Variants in AGBL1 observed in about 807,000 individuals in gnomAD.
AGBL1 encodes cytosolic carboxypeptidase 4.
A neutral mutation model predicts 118.9 loss-of-function variants in AGBL1; 130 were observed. That is an observed-to-expected ratio of 1.09 (90% CI 0.95 to 1.26). AGBL1 has a LOEUF of 1.26. AGBL1 is among the 50% of genes most tolerant of loss of function. The pLI is 0.00. For synonymous variants in AGBL1, 555 were observed against 478.9 expected, an observed-to-expected ratio of 1.16 and a Z score of -2.08; for missense variants, 1,584 against 1,298.1, an observed-to-expected ratio of 1.22 and a Z score of -3.38.
chr15:86,408,583 A>G (rs1433134488), intron 18 of AGBL1, among the ~76,000 whole-genome samples: 1 of 152,166 alleles, frequency 6.6e-6, no homozygotes, highest in Non-Finnish European at 1.5e-5. Flanking sequence ...GCTATTTTGT[A>G]CTGTTTGAAA....
Position 86,438,657 on chromosome 15 carries a change from C to CTTT in AGBL1, c.2555+41128_2555+41130dup, listed in dbSNP as rs35937855. Among the ~76,000 whole-genome samples, 280 of 131,598 alleles carry CTTT rather than the reference C, an allele frequency of 2.1e-3. 4 individuals carry two copies. Among genetic ancestry groups the CTTT allele is most frequent in the African/African-American group, 7.0e-3 (246 of 35,118 alleles). The allele number at this position is 131,598 out of a possible 152,430, so 86.3% of individuals were successfully genotyped here. ...TTCGTATATAACTGATAATCTGTCT[C>CTTT]TTTTTTTTTTTTTTTTTTTCTTGAG... is the stretch of plus-strand genomic sequence containing the variant. On this transcript the variant is annotated intron_variant, in intron 18 of 22. Transcript: ENST00000614907.
chr15:86,476,420 G>A (rs965863998), intron 18 of AGBL1, among the ~76,000 whole-genome samples: 2 of 152,036 alleles, frequency 1.3e-5, no homozygotes, highest in African/African-American at 4.8e-5. Flanking sequence ...AAAAAGGCAG[G>A]GGTTGCAATC....
chr15:86,182,711 G>A (rs1028006999), intron 5 of AGBL1, among the ~76,000 whole-genome samples: 1 of 152,058 alleles, frequency 6.6e-6, no homozygotes, highest in African/African-American at 2.4e-5. Context: ...TGTTCTCTCA[G>A]TATTAGTTTT....
chr15:86,723,326 T>TA (rs2086762569), intron 22 of AGBL1, among the ~76,000 whole-genome samples: 1 of 152,122 alleles, frequency 6.6e-6, no homozygotes, highest in African/African-American at 2.4e-5. Flanking sequence ...TATGCAGCCA[T>TA]AAAAAATGAT....
chr15:86,446,389 C>T (rs1475918083), intron 18 of AGBL1, among the ~76,000 whole-genome samples: 1 of 152,218 alleles, frequency 6.6e-6, no homozygotes, highest in East Asian at 1.9e-4. Context: ...CTCAAGGGAG[C>T]ATTCTGCAAC....
chr15:86,452,032 C>A (rs530925930), intron 18 of AGBL1, among the ~76,000 whole-genome samples: 2 of 152,178 alleles, frequency 1.3e-5, no homozygotes, highest in East Asian at 3.9e-4. Context: ...ATCCTAAAGA[C>A]AGCCTCAATG....
chr15:86,154,458 A>G lies in AGBL1; in HGVS notation c.291A>G (p.Glu97=), dbSNP rs892499228. 6.2e-7 allele frequency: 1 copy of G among 1,612,914 alleles called. No individual in the cohort carries two copies. The highest frequency in any genetic ancestry group is 8.5e-7 in the Non-Finnish European group (1 of 1,179,446). The part of the protein sequence containing the change: ...RDKKIGRKAL[E]LEALDVTLIL... ...AAAAGATTGGACGGAAGGCCCTAGA[A>G]TTGGAAGCACTTGATGTGACATTGA... is the stretch of plus-strand genomic sequence containing the variant. The change falls in exon 4 of 23, where the codon GAA becomes GAG. Residue 97 remains glutamate, a synonymous_variant. Transcript: ENST00000614907.
intron 1 of AGBL1, chr15:86,088,405 C>A (rs1895806491): frequency 3.3e-5 from 5 of 152,258 alleles, no homozygotes; most frequent in Admixed American, 2.6e-4. Context: ...CTGAACTATG[C>A]AGTTCAGAGT....
chr15:86,152,765 A>G (rs2077131224), intron 3 of AGBL1, among the ~76,000 whole-genome samples: 1 of 152,234 alleles, frequency 6.6e-6, no homozygotes, highest in Non-Finnish European at 1.5e-5. Context: ...CAATCTACCT[A>G]TCTGACAAAG....
intron 5 of AGBL1, among the ~76,000 whole-genome samples, chr15:86,180,683 A>G (rs2077540022): frequency 6.6e-6 from 1 of 152,136 alleles, no homozygotes; most frequent in African/African-American, 2.4e-5. Flanking sequence ...TACTTTATCA[A>G]TATTAAAAAC....
intron 17 of AGBL1, 57 bp downstream of exon 17, chr15:86,295,465 C>T: frequency 8.8e-6 from 13 of 1,481,570 alleles, no homozygotes; most frequent in Non-Finnish European, 1.2e-5. Flanking sequence ...CCTTTATAGT[C>T]TTGGAAGCAT....
rs943640193 is a variant in AGBL1 at position 86,809,314 on chromosome 15, G to A, written c.3159-97773G>A. The stretch of plus-strand genomic sequence containing the variant: ...ACCAAAGTCTTCCCCAGACAAATAT[G>A]AGGTTAGGAAAGTCTTACTTTGATG... On this transcript the variant is annotated intron_variant, in intron 22 of 22. Coordinates refer to ENST00000614907, the MANE Select transcript of AGBL1 (RefSeq NM_001386094.1). Among the ~76,000 whole-genome samples the A allele has an allele frequency of 3.9e-5, 6 of 151,978 alleles. No individual in the cohort carries two copies. The East Asian group carries it at 1.2e-3, about 29-fold the overall frequency.
intron 23 of AGBL1, among the ~76,000 whole-genome samples, chr15:86,960,901 G>A (rs1477341123): frequency 3.9e-5 from 6 of 152,040 alleles, no homozygotes; most frequent in Non-Finnish European, 5.9e-5. Context: ...ATAGGAACAT[G>A]GGATAGAATG....
chr15:86,993,856 G>A (rs1006448265), intron 24 of AGBL1, among the ~76,000 whole-genome samples: 8 of 152,070 alleles, frequency 5.3e-5, no homozygotes, highest in Admixed American at 1.3e-4. Flanking sequence ...TAGCTCTTTA[G>A]ACACTTCTTT....
chr15:86,110,753 T>C (rs1337096648), intron 1 of AGBL1, among the ~76,000 whole-genome samples: 1 of 152,174 alleles, frequency 6.6e-6, no homozygotes, highest in African/African-American at 2.4e-5. Flanking sequence ...TGTGTAATGT[T>C]CCTGATACCC....
chr15:86,711,799 A>C (rs1194834098), intron 22 of AGBL1, among the ~76,000 whole-genome samples: 1 of 152,162 alleles, frequency 6.6e-6, no homozygotes, highest in African/African-American at 2.4e-5. Context: ...CAAAGTCTAA[A>C]TATTTACTAT....
At chr15:86,965,457 C>T (rs1164888992) in intron 23 of AGBL1, among the ~76,000 whole-genome samples, 1 of 151,996 alleles carries the variant, frequency 6.6e-6, no homozygotes, top group East Asian at 1.9e-4. Flanking sequence ...CTGTTCATAT[C>T]CTTTGCCCAC....
intron 21 of AGBL1, among the ~76,000 whole-genome samples, chr15:86,643,294 T>A (rs1034484448): frequency 6.6e-6 from 1 of 152,210 alleles, no homozygotes; most frequent in Admixed American, 6.5e-5. Flanking sequence ...AGGTTTCATA[T>A]GTTTTATGAA....
intron 6 of AGBL1, among the ~76,000 whole-genome samples, chr15:86,245,783 C>T (rs1357507906): frequency 6.6e-6 from 1 of 152,240 alleles, no homozygotes; most frequent in African/African-American, 2.4e-5. Flanking sequence ...TTTACCTGAA[C>T]ATTTTCAGAG....
Sources: allele counts gnomAD v4.1 joint callset (sites outside exome capture counted in the v4.1 genomes callset), GRCh38; gene constraint gnomAD v4.1.1; transcripts MANE v1.5; gene names NCBI Gene and HGNC (gene_info 2026-07-23, HGNC 2026-07-21).